M1AP: variants seen among roughly 807,000 people sequenced by gnomAD.
The protein encoded by M1AP is meiosis 1 associated protein.
In M1AP, 39 loss-of-function variants were observed where a neutral mutation model predicts 51.2. That is an observed-to-expected ratio of 0.76 (90% CI 0.59 to 1.00). The LOEUF (loss-of-function observed/expected upper bound fraction) is 1.00. Ranked by LOEUF, M1AP falls within the 50% of genes least tolerant of loss-of-function variation. M1AP has a pLI of 0.00. For missense variants in M1AP, 545 were observed against 641.2 expected, an observed-to-expected ratio of 0.85 and a Z score of 1.62; for synonymous variants, 251 against 249.2, an observed-to-expected ratio of 1.01 and a Z score of -0.07.
intron 2 of M1AP, chr2:74,615,954 C>T (rs1262187813): frequency 6.6e-6 from 1 of 152,150 alleles, no homozygotes; most frequent in East Asian, 1.9e-4. Flanking sequence ...TGAGTGATAT[C>T]TGTAATGCAC....
intron 7 of M1AP, among the ~76,000 whole-genome samples, chr2:74,572,613 C>T (rs1678817699): frequency 6.6e-6 from 1 of 152,162 alleles, no homozygotes; most frequent in African/African-American, 2.4e-5. Flanking sequence ...GAGCTAGGTC[C>T]TCAAACTCTG....
At chr2:74,618,822 C>G in intron 2 of M1AP, 1 of 376,692 alleles carries the variant, frequency 2.7e-6, no homozygotes, top group African/African-American at 2.1e-5. Flanking sequence ...CTGAGCCTCC[C>G]AAATCCCTCT....
At chr2:74,613,453 T>A (rs763790631) in intron 3 of M1AP, among the ~76,000 whole-genome samples, 1 of 152,242 alleles carries the variant, frequency 6.6e-6, no homozygotes, top group Non-Finnish European at 1.5e-5. Flanking sequence ...AGTGAACTTA[T>A]GCCTCTGGAC....
At chr2:74,638,013 C>T (rs1683081158) in intron 2 of M1AP, among the ~76,000 whole-genome samples, 1 of 152,102 alleles carries the variant, frequency 6.6e-6, no homozygotes, top group South Asian at 2.1e-4. Flanking sequence ...TCCCTCTCTG[C>T]ATTGTAGCTT....
intron 4 of M1AP, among the ~76,000 whole-genome samples, chr2:74,582,812 G>A (rs1641882288): frequency 6.6e-6 from 1 of 152,068 alleles, no homozygotes; most frequent in Non-Finnish European, 1.5e-5. Flanking sequence ...CTTGAGCTGA[G>A]GAGTTCAAGA....
intron 1 of M1AP, among the ~76,000 whole-genome samples, chr2:74,644,364 C>T (rs2104859830): frequency 6.6e-6 from 1 of 152,112 alleles, no homozygotes; most frequent in Admixed American, 6.5e-5. Flanking sequence ...ATGGTAAAAC[C>T]CCATCTCTAC....
At chr2:74,565,777 C>T (rs1678336638) in intron 7 of M1AP, among the ~76,000 whole-genome samples, 3 of 150,504 alleles carry the variant, frequency 2.0e-5, no homozygotes, top group Non-Finnish European at 3.0e-5. Context: ...TGCAGTGAGC[C>T]GAAATCACAC....
intron 2 of M1AP, among the ~76,000 whole-genome samples, chr2:74,636,478 C>T (rs1425416768): frequency 2.0e-5 from 3 of 151,872 alleles, no homozygotes; most frequent in African/African-American, 7.3e-5. Flanking sequence ...TGTTAGCCTG[C>T]CAATTTATTT....
chr2:74,597,019 A>G (rs1680380539), intron 4 of M1AP, among the ~76,000 whole-genome samples: 1 of 152,226 alleles, frequency 6.6e-6, no homozygotes, highest in Non-Finnish European at 1.5e-5. Flanking sequence ...TGTTCTGTAT[A>G]TTGATCGTGA....
At position 74,575,410 on chromosome 2, in the gene M1AP, T is replaced by A. The variant is rs372111313; in HGVS notation, c.1074+28A>T. The A allele has an allele frequency of 3.1e-6, 5 of 1,612,926 alleles. No homozygotes were observed. In the African/African-American group the frequency reaches 5.3e-5, roughly 17 times the overall value. The stretch of plus-strand genomic sequence containing the variant: ...GTTGGTACTTTAAAAACGATTCTTC[T>A]TTTTCACCTGGGGACATGGGTACTC... On this transcript the variant is annotated intron_variant, in intron 7 of 10. Transcript: ENST00000421985.
chr2:74,599,563 C>T (rs1338011972), intron 4 of M1AP, among the ~76,000 whole-genome samples: 1 of 152,132 alleles, frequency 6.6e-6, no homozygotes, highest in African/African-American at 2.4e-5. Context: ...ATCAAGTTTT[C>T]ATGTGGCTGT....
At chr2:74,584,800 A>G (rs972335139) in intron 4 of M1AP, among the ~76,000 whole-genome samples, 1 of 133,134 alleles carries the variant, frequency 7.5e-6, no homozygotes, top group Non-Finnish European at 1.5e-5. Flanking sequence ...TATTGATGTT[A>G]TTGCCATATA....
intron 2 of M1AP, among the ~76,000 whole-genome samples, chr2:74,639,666 A>C (rs1451596507): frequency 1.3e-5 from 2 of 152,242 alleles, no homozygotes; most frequent in Non-Finnish European, 2.9e-5. Flanking sequence ...AGATGATTGA[A>C]TAGTCAGAGA....
At chr2:74,562,529 G>T in intron 7 of M1AP, 106 bp from the exon 8 acceptor site, 1 of 1,268,730 alleles carries the variant, frequency 7.9e-7, no homozygotes, top group Non-Finnish European at 1.1e-6. Context: ...GCTGAGGAGG[G>T]CAGAGCCATT....
At chr2:74,624,490 T>C (rs561767344) in intron 2 of M1AP, among the ~76,000 whole-genome samples, 2 of 152,290 alleles carry the variant, frequency 1.3e-5, no homozygotes, top group South Asian at 4.1e-4. Context: ...TGATGTTTCA[T>C]TGGAGGTCAG....
chr2:74,600,785 C>T (rs1680629366), intron 4 of M1AP, among the ~76,000 whole-genome samples: 1 of 152,110 alleles, frequency 6.6e-6, no homozygotes, highest in Non-Finnish European at 1.5e-5. Flanking sequence ...TGAATTATAA[C>T]TATGTAACAT....
At chr2:74,598,484 G>T (rs954454985) in intron 4 of M1AP, among the ~76,000 whole-genome samples, 17 of 151,956 alleles carry the variant, frequency 1.1e-4, no homozygotes, top group Admixed American at 3.3e-4. Flanking sequence ...GTATCATATA[G>T]TATACACCTC....
At chr2:74,639,976 C>T in intron 2 of M1AP, 60 bp downstream of exon 2, 2 of 1,446,248 alleles carry the variant, frequency 1.4e-6, no homozygotes, top group Admixed American at 1.7e-5. Flanking sequence ...ATCTCTATTC[C>T]AGAAACCTTA....
chr2:74,592,032 G>C (rs540772013), intron 4 of M1AP, among the ~76,000 whole-genome samples: 118 of 151,954 alleles, frequency 7.8e-4, no homozygotes, highest in Middle Eastern at 3.4e-3. Context: ...TCGAACTACT[G>C]ACCTAAGTGA....
Sources: gnomAD v4.1 joint callset for allele counts (sites outside exome capture counted in the v4.1 genomes callset) on GRCh38, gnomAD v4.1.1 for gene constraint, MANE v1.5 for transcripts, NCBI Gene and HGNC (gene_info 2026-07-23, HGNC 2026-07-21) for gene names.